WDFY4: variants seen among roughly 807,000 people sequenced by gnomAD.
The protein encoded by WDFY4 is WDFY family member 4.
In WDFY4, 169 loss-of-function variants were observed where a neutral mutation model predicts 351.9. The observed-to-expected ratio is 0.48, with a 90% CI of 0.42 to 0.55. The LOEUF (loss-of-function observed/expected upper bound fraction) is 0.55, where lower values mean the gene tolerates loss of function less well. Among genes scored for constraint, WDFY4 ranks in the 20% least tolerant of loss-of-function variants. WDFY4 has a pLI of 0.00. For synonymous variants in WDFY4, 1,622 were observed against 1,574.6 expected (o/e 1.03, Z -0.71); for missense variants, 3,803 against 3,935.6 (o/e 0.97, Z 0.90).
At chr10:48,955,610 A>C (rs1490705833) in intron 51 of WDFY4, among the ~76,000 whole-genome samples, 5 of 152,212 alleles carry the variant, frequency 3.3e-5, no homozygotes, top group African/African-American at 1.2e-4. Context: ...CTTGGGAAAA[A>C]TCAGTGTACT....
intron 2 of WDFY4, among the ~76,000 whole-genome samples, chr10:48,714,121 TG>T (rs1425837052): frequency 6.6e-6 from 1 of 152,252 alleles, no homozygotes; most frequent in African/African-American, 2.4e-5. Flanking sequence ...GGCTTAGGGA[TG>T]TTGCATAACT....
intron 23 of WDFY4, among the ~76,000 whole-genome samples, chr10:48,795,433 G>A (rs1210925569): frequency 6.8e-6 from 1 of 146,634 alleles, no homozygotes; most frequent in African/African-American, 2.6e-5. Flanking sequence ...GTTTTCACAT[G>A]CAACTTTTAG....
chr10:48,886,270 C>A (rs1040762018), intron 43 of WDFY4, among the ~76,000 whole-genome samples: 1 of 152,120 alleles, frequency 6.6e-6, no homozygotes, highest in African/African-American at 2.4e-5. Flanking sequence ...ATAGATGTAC[C>A]ACTGAGGCCT....
chr10:48,907,233 T>C (rs552018200), intron 47 of WDFY4, among the ~76,000 whole-genome samples: 2 of 152,286 alleles, frequency 1.3e-5, no homozygotes, highest in South Asian at 4.1e-4. Context: ...CTCAGAGAAA[T>C]ACAAGGCTAG....
chr10:48,970,467 G>A (rs1590019924), intron 57 of WDFY4, among the ~76,000 whole-genome samples, 178 bp downstream of exon 57: 1 of 152,178 alleles, frequency 6.6e-6, no homozygotes, highest in Non-Finnish European at 1.5e-5. Context: ...GGTGCAGAGG[G>A]TGGCCCACAG....
intron 12 of WDFY4, among the ~76,000 whole-genome samples, chr10:48,753,841 C>T (rs985883282): frequency 6.6e-6 from 1 of 152,224 alleles, no homozygotes; most frequent in African/African-American, 2.4e-5. Context: ...GGGTTTCCTA[C>T]AATTCCACAT....
intron 12 of WDFY4, among the ~76,000 whole-genome samples, chr10:48,743,875 C>T (rs1218100112): frequency 6.6e-6 from 1 of 152,120 alleles, no homozygotes; most frequent in Non-Finnish European, 1.5e-5. Context: ...CTGGGCCTGG[C>T]ATCCCTGGGT....
chr10:48,908,190 G>A (rs533755637), intron 47 of WDFY4, among the ~76,000 whole-genome samples: 1 of 152,316 alleles, frequency 6.6e-6, no homozygotes, highest in East Asian at 1.9e-4. Context: ...TAGCAAGCCT[G>A]CCCTTTTTCC....
At chr10:48,838,125 A>G (rs1032393849) in intron 39 of WDFY4, among the ~76,000 whole-genome samples, 4 of 152,268 alleles carry the variant, frequency 2.6e-5, no homozygotes, top group East Asian at 3.8e-4. Context: ...ATGAGAGGGC[A>G]CCAGAAGCGT....
intron 13 of WDFY4, among the ~76,000 whole-genome samples, chr10:48,774,055 G>A (rs1406803285): frequency 1.3e-5 from 2 of 152,192 alleles, no homozygotes; most frequent in African/African-American, 2.4e-5. Flanking sequence ...TTTGAGAGAG[G>A]CCACAAGTCT....
In WDFY4 at chr10:48,897,853, G is replaced by GAC. The variant is rs558445774; in HGVS notation, c.7437+283_7437+284dup. ...TTAGCTGCTTCGCTGTTTTGCTCTT[G>GAC]ACACAGCCCAGAGCTGCCTTGGAGA... On this transcript the variant is annotated intron_variant, in intron 45 of 61. Coordinates refer to ENST00000325239, the MANE Select transcript of WDFY4 (RefSeq NM_001394531.1). Among the ~76,000 whole-genome samples the GAC allele has an allele frequency of 3.9e-5, 6 of 152,340 alleles. No homozygotes were observed. In the East Asian group the frequency reaches 9.6e-4, roughly 24 times the overall value.
intron 14 of WDFY4, 42 bp from the exon 15 acceptor site, chr10:48,775,670 A>G: frequency 6.6e-7 from 1 of 1,517,232 alleles, no homozygotes; most frequent in Non-Finnish European, 9.0e-7. Context: ...CACTGTTGCT[A>G]GTAAAATGTC....
At chr10:48,806,238 G>C in intron 27 of WDFY4, 143 bp downstream of exon 27, 1 of 723,068 alleles carries the variant, frequency 1.4e-6, no homozygotes, top group Non-Finnish European at 2.4e-6. Flanking sequence ...CGTGGCCTGT[G>C]AGGCTGTCAT....
At chr10:48,776,679 G>T in intron 15 of WDFY4, 71 bp from the exon 16 acceptor site, 5 of 1,347,116 alleles carry the variant, frequency 3.7e-6, no homozygotes, top group African/African-American at 1.5e-5. Context: ...AGATACTTTG[G>T]GGTTATTGTC....
At chr10:48,837,301 A>C (rs766061524) in intron 39 of WDFY4, among the ~76,000 whole-genome samples, 9 of 152,098 alleles carry the variant, frequency 5.9e-5, no homozygotes, top group Non-Finnish European at 1.2e-4. Context: ...GGCCAGAGAC[A>C]TAACAGGTGG....
Position 48,778,706 on chromosome 10 carries a change from C to A in WDFY4, c.3271C>A (p.Arg1091Ser). 1.3e-6 allele frequency: 2 copies of A among 1,551,650 alleles called. No individual in the cohort carries two copies. The highest frequency in any genetic ancestry group is 1.7e-6 in the Non-Finnish European group (2 of 1,147,014). Residue 1091 changes from arginine to serine, a missense_variant, in exon 18 of 62, where the codon CGC becomes AGC. Physicochemically the swap from Arg to Ser is moderately radical, Grantham distance 110 (BLOSUM62 -1). Around this residue, in one of 3 missense-constraint regions of WDFY4, gnomAD observed 3,054 missense variants for 3,148.6 expected, o/e 0.97. Coordinates refer to ENST00000325239, the MANE Select transcript of WDFY4 (RefSeq NM_001394531.1). ...HGAATEGHPL[R>S]FLTLVRHLAR... ...AGCTGCCACTGAGGGCCACCCGCTG[C>A]GCTTCCTGACGTTGGTGCGCCACCT...
chr10:48,720,248 A>T, intron 3 of WDFY4, 123 bp downstream of exon 3: 1 of 985,206 alleles, frequency 1.0e-6, no homozygotes, highest in South Asian at 1.7e-5. Context: ...GCCAAAGAGA[A>T]GTAGGCCCCA....
At chr10:48,853,838 C>G (rs2069038450) in intron 39 of WDFY4, among the ~76,000 whole-genome samples, 1 of 152,162 alleles carries the variant, frequency 6.6e-6, no homozygotes, top group African/African-American at 2.4e-5. Flanking sequence ...TCATAGCTAT[C>G]TGTCTGTTCG....
rs552002946 is a variant in WDFY4 at position 48,820,298 on chromosome 10, C to A, written c.5570C>A (p.Thr1857Lys). Residue 1857 changes from threonine to lysine, a missense_variant, in exon 33 of 62, where the codon ACA becomes AAA. Thr to Lys is a moderately conservative substitution (Grantham distance 78, BLOSUM62 -1). Around this residue, in one of 3 missense-constraint regions of WDFY4, gnomAD observed 3,054 missense variants for 3,148.6 expected, o/e 0.97. Transcript: ENST00000325239. ...GAGGCCGCAGCTGAAGGCGACAGCA[C>A]AGTGGAGGGTCTCCAGGCTCCCACC... Reference protein sequence around the residue: ...SPEAAAEGDSTVEGLQAPTKA... With the variant: ...SPEAAAEGDSKVEGLQAPTKA... The A allele has an allele frequency of 1.9e-6, 3 of 1,551,546 alleles. No homozygotes were observed. The highest frequency in any genetic ancestry group is 2.0e-5 in the Admixed American group (1 of 50,966).
Sources: allele counts gnomAD v4.1 joint callset (sites outside exome capture counted in the v4.1 genomes callset), GRCh38; gene constraint gnomAD v4.1.1; regional missense constraint gnomAD v4.1.1; transcripts MANE v1.5; gene names NCBI Gene and HGNC (gene_info 2026-07-23, HGNC 2026-07-21).